The following MAP7 variants were observed in gnomAD, a reference collection of about 807,000 sequenced individuals.
MAP7 encodes the protein microtubule associated protein 7.
MAP7 carries 52 observed loss-of-function variants against 94.8 expected under a neutral mutation model. The observed-to-expected ratio is 0.55, with a 90% CI of 0.44 to 0.69. MAP7 has a LOEUF of 0.69. Ranked by LOEUF, MAP7 falls within the 30% of genes least tolerant of loss-of-function variation. The pLI is 0.00. For synonymous variants in MAP7, 350 were observed against 357.0 expected (o/e 0.98, Z 0.22); for missense variants, 940 against 964.6 (o/e 0.97, Z 0.34).
At chr6:136,391,687 C>G (rs1284158236) in intron 3 of MAP7, among the ~76,000 whole-genome samples, 1 of 136,978 alleles carries the variant, frequency 7.3e-6, no homozygotes, top group South Asian at 2.4e-4. Context: ...AAAAAAAAAG[C>G]ATATAGTATA....
At chr6:136,524,580 C>T (rs1012157635) in intron 1 of MAP7, among the ~76,000 whole-genome samples, 11 of 152,162 alleles carry the variant, frequency 7.2e-5, no homozygotes, top group African/African-American at 2.4e-4. Flanking sequence ...AGACAGGAGC[C>T]AGGTCTGATA....
chr6:136,418,113 A>C (rs1022185001), intron 2 of MAP7, among the ~76,000 whole-genome samples: 2 of 152,232 alleles, frequency 1.3e-5, no homozygotes, highest in African/African-American at 4.8e-5. Context: ...TCTGGGTTCA[A>C]GTATTCACAT....
intron 3 of MAP7, among the ~76,000 whole-genome samples, chr6:136,391,750 C>A (rs1458126795): frequency 2.7e-5 from 4 of 150,470 alleles, no homozygotes; most frequent in Non-Finnish European, 5.9e-5. Flanking sequence ...TGTGAGAACA[C>A]ACTTTAAAAG....
intron 1 of MAP7, among the ~76,000 whole-genome samples, chr6:136,437,670 T>C (rs1359118761): frequency 1.3e-5 from 2 of 152,130 alleles, no homozygotes. Flanking sequence ...CAATGAAACA[T>C]CAGCTGACAA....
chr6:136,471,852 C>T (rs1419944235), intron 1 of MAP7, among the ~76,000 whole-genome samples: 1 of 152,198 alleles, frequency 6.6e-6, no homozygotes, highest in Non-Finnish European at 1.5e-5. Flanking sequence ...CCTACCCTTA[C>T]TACAGGCATA....
intron 13 of MAP7, 136 bp from the exon 14 acceptor site, chr6:136,360,167 T>C (rs1792146650): frequency 1.4e-6 from 1 of 717,358 alleles, no homozygotes; most frequent in East Asian, 2.7e-5. Flanking sequence ...TTTTTTTTTT[T>C]TTGAGATGGA....
intron 5 of MAP7, among the ~76,000 whole-genome samples, chr6:136,385,816 G>A (rs1779043858): frequency 6.6e-6 from 1 of 152,158 alleles, no homozygotes; most frequent in Non-Finnish European, 1.5e-5. Flanking sequence ...TGCCAGCCAG[G>A]CTGGAGTGCA....
intron 6 of MAP7, among the ~76,000 whole-genome samples, chr6:136,381,919 C>CACACACACACACAG (rs373754692): frequency 0.049 from 4,997 of 102,642 alleles, 255 homozygotes; most frequent in South Asian, 0.1. Flanking sequence ...CACACACACA[C>CACACACACACACAG]AGAGAGAGAG....
intron 1 of MAP7, among the ~76,000 whole-genome samples, chr6:136,436,117 A>G (rs1562398134): frequency 6.6e-6 from 1 of 152,212 alleles, no homozygotes; most frequent in Non-Finnish European, 1.5e-5. Context: ...GCATAAGGAA[A>G]GGATCATAGG....
rs1013479136 is a variant in MAP7, at chr6:136,354,376, A to T, written c.2015+2316T>A. On this transcript the variant is annotated intron_variant, in intron 16 of 17. Transcript: ENST00000354570. ...AATATATATATAGTAGATATATATAAAAATATATATAGTAGATATATATAT... is the reference window on the plus strand; with the variant it reads ...AATATATATATAGTAGATATATATATAAATATATATAGTAGATATATATAT... Among the ~76,000 whole-genome samples, 4 of 144,108 alleles carry T rather than the reference A, an allele frequency of 2.8e-5. No individual in the cohort carries two copies. In the East Asian group the frequency reaches 5.9e-4, roughly 21 times the overall value. The allele number at this position is 144,108 out of a possible 152,430, so 94.5% of individuals were successfully genotyped here. A position where few individuals can be genotyped will look rare whatever the true frequency, so the allele number is the denominator to read the frequency against.
chr6:136,546,431 T>C (rs1195809664), intron 1 of MAP7, among the ~76,000 whole-genome samples: 3 of 150,642 alleles, frequency 2.0e-5, no homozygotes, highest in Non-Finnish European at 3.0e-5. Context: ...ATGAGTTCAA[T>C]TGTTTTGATT....
intron 1 of MAP7, among the ~76,000 whole-genome samples, chr6:136,467,703 C>T (rs1339870981): frequency 6.6e-6 from 1 of 152,138 alleles, no homozygotes; most frequent in Non-Finnish European, 1.5e-5. Context: ...GAGTGGGAAC[C>T]GAGGAGAAAG....
rs138728503 is a variant in MAP7, at chr6:136,526,062, G to T, written c.67+24280C>A. 6.3e-5 allele frequency: 91 copies of T among 1,438,180 alleles called. No homozygotes were observed. In the African/African-American group the frequency reaches 1.2e-3, roughly 19 times the overall value. 89.1% of individuals were successfully genotyped at this position (1,438,180 alleles called of 1,614,324 possible). ...CCAGGAAGCTGCTAGTTCCTAAGCTGCCTGTTCATTTGAGCACTTGTAATA... is the reference window on the plus strand; with the variant it reads ...CCAGGAAGCTGCTAGTTCCTAAGCTTCCTGTTCATTTGAGCACTTGTAATA... On this transcript the variant is annotated intron_variant, in intron 1 of 17. Transcript: ENST00000354570.
intron 1 of MAP7, among the ~76,000 whole-genome samples, chr6:136,422,595 C>CA (rs1452999547): frequency 3.9e-5 from 6 of 152,102 alleles, no homozygotes; most frequent in Non-Finnish European, 8.8e-5. Context: ...TCATATTCAC[C>CA]ATGAGACAAA....
rs149540843 is a variant in MAP7 at position 136,541,585 on chromosome 6, T to A, written c.67+8757A>T. 5.9e-3 allele frequency among the ~76,000 whole-genome samples: 900 copies of A among 152,292 alleles called. 9 individuals carry two copies. The highest frequency in any genetic ancestry group is 0.021 in the African/African-American group (860 of 41,566). On this transcript the variant is annotated intron_variant, in intron 1 of 17. Coordinates refer to ENST00000354570, the MANE Select transcript of MAP7 (RefSeq NM_003980.6). Reference sequence around the variant, plus strand: ...GCCAAGTGCACTGCTCCCAGCCTCCTCCCTGCATTGTTTTATACCCCGTGC... The same window carrying A: ...GCCAAGTGCACTGCTCCCAGCCTCCACCCTGCATTGTTTTATACCCCGTGC...
At chr6:136,395,094 A>G (rs533587860) in intron 3 of MAP7, among the ~76,000 whole-genome samples, 3 of 150,874 alleles carry the variant, frequency 2.0e-5, no homozygotes, top group Non-Finnish European at 4.4e-5. Flanking sequence ...CAGTAGTGGG[A>G]TTGCTGGGTC....
At chr6:136,548,107 ACCC>A (rs752693571) in intron 1 of MAP7, among the ~76,000 whole-genome samples, 2 of 12,562 alleles carry the variant, frequency 1.6e-4, no homozygotes, top group Admixed American at 1.6e-3. Context: ...ACCCCCCCCC[ACCC>A]CCCCAACAAT....
intron 1 of MAP7, chr6:136,545,617 T>C (rs530739901): frequency 6.6e-6 from 1 of 152,368 alleles, no homozygotes; most frequent in South Asian, 2.1e-4. Context: ...GGACTTTCTT[T>C]GAGCTTTACA....
chr6:136,355,180 A>G (rs566314515), intron 16 of MAP7, among the ~76,000 whole-genome samples: 34 of 152,238 alleles, frequency 2.2e-4, no homozygotes, highest in African/African-American at 7.0e-4. Context: ...TCTCAAAAAA[A>G]ATAATAATAA....
Sources: allele counts gnomAD v4.1 joint callset (sites outside exome capture counted in the v4.1 genomes callset), GRCh38; gene constraint gnomAD v4.1.1; transcripts MANE v1.5; gene names NCBI Gene and HGNC (gene_info 2026-07-23, HGNC 2026-07-21).